The following CLCN6 variants were observed in gnomAD, a reference collection of about 807,000 sequenced individuals.
CLCN6 encodes the protein H(+)/Cl(-) exchange transporter 6.
In CLCN6, 70 loss-of-function variants were observed where a neutral mutation model predicts 109.8. The observed-to-expected ratio is 0.64, with a 90% CI of 0.53 to 0.78. The LOEUF (loss-of-function observed/expected upper bound fraction) is 0.78. CLCN6 is among the 30% of genes least tolerant of loss of function. The pLI, the probability that CLCN6 is intolerant of heterozygous loss-of-function variation, is 0.00. For synonymous variants in CLCN6, 444 were observed against 447.8 expected (o/e 0.99, Z 0.11); for missense variants, 984 against 1,142.3 (o/e 0.86, Z 2.00).
intron 13 of CLCN6, 70 bp downstream of exon 13, chr1:11,829,392 C>G (rs966419123): frequency 3.2e-6 from 5 of 1,560,770 alleles, no homozygotes; most frequent in Non-Finnish European, 4.4e-6. Flanking sequence ...TGACCTTCCT[C>G]TGTTGAGAAC....
rs772244015 is a variant in CLCN6, at chr1:11,833,374, G to A, written c.1249-141G>A. On this transcript the variant is annotated intron_variant, in intron 13 of 22. Coordinates refer to ENST00000346436, the MANE Select transcript of CLCN6 (RefSeq NM_001286.5). ...GAATACACTTGCCCGTGTGGCTGCCGTTGGTAGAGGTCAGTTTTTGGCCTG... is the reference window on the plus strand; with the variant it reads ...GAATACACTTGCCCGTGTGGCTGCCATTGGTAGAGGTCAGTTTTTGGCCTG... 157 of 698,180 alleles carry A rather than the reference G, an allele frequency of 2.2e-4. 1 individual carries two copies. The highest frequency in any genetic ancestry group is 7.6e-4 in the Admixed American group (32 of 42,058). 43.2% of individuals were successfully genotyped at this position (698,180 alleles called of 1,614,324 possible).
Position 11,833,570 on chromosome 1 carries a change from A to C in CLCN6, c.1304A>C (p.Tyr435Ser). ...ACATTTTTTTGTCCCAATGATACCT[A>C]CAATGACATGGCCACACTCTTCTTC... Reference protein sequence around the residue: ...IKTFFCPNDTYNDMATLFFNP... With the variant: ...IKTFFCPNDTSNDMATLFFNP... Residue 435 changes from tyrosine (Y) to serine (S), a missense_variant, in exon 14 of 23, where the codon TAC becomes TCC. By Grantham distance (144) the Tyr-to-Ser change is moderately radical. Transcript: ENST00000346436. The C allele has an allele frequency of 6.2e-7, 1 of 1,614,048 alleles. No individual in the cohort carries two copies. The highest frequency in any genetic ancestry group is 8.5e-7 in the Non-Finnish European group (1 of 1,179,958).
chr1:11,838,473 C>T (rs566805376), intron 21 of CLCN6, 31 bp downstream of exon 21: 18 of 1,610,044 alleles, frequency 1.1e-5, no homozygotes, highest in South Asian at 8.8e-5. Context: ...CTGTCCCATG[C>T]GGAGCTGCCT....
In CLCN6 at chr1:11,834,256, T is replaced by A; in HGVS notation, c.1547T>A (p.Ile516Asn). The change falls in exon 16 of 23, where the codon ATC (isoleucine) becomes AAC (asparagine). Residue 516 changes from isoleucine (I) to asparagine (N), a missense_variant. Ile to Asn is a moderately radical substitution (Grantham distance 149). Transcript: ENST00000346436. The surrounding 1 kb of genome is among the most constrained non-coding windows in gnomAD (Gnocchi z 4.5). ...VLKSYIGLGH[I>N]YSGTFALIGA... ...ACTAGCTACATTGGATTGGGCCACA[T>A]CTATTCGGGGACCTTTGCCCTGATT... The A allele has an allele frequency of 6.2e-7, 1 of 1,613,812 alleles. No individual in the cohort carries two copies. Among genetic ancestry groups the A allele is most frequent in the East Asian group, 2.2e-5 (1 of 44,872 alleles).
At position 11,816,653 on chromosome 1, in the gene CLCN6, G is replaced by C; in HGVS notation, c.252G>C (p.Val84=). 1 of 1,613,156 alleles carries C rather than the reference G, an allele frequency of 6.2e-7. No individual in the cohort carries two copies. The highest frequency in any genetic ancestry group is 8.5e-7 in the Non-Finnish European group (1 of 1,179,618). ...ATGAGGCGGTGAAGTGGATGGTGGT[G>C]TTTGCCATTGGAGTCTGCACTGGCC... ...RRYEAVKWMV[V]FAIGVCTGLV... The change falls in exon 4 of 23, where the codon GTG becomes GTC. Residue 84 remains valine (V), a synonymous_variant. Transcript: ENST00000346436.
At chr1:11,826,048 G>A (rs1012733704) in intron 8 of CLCN6, 108 bp from the exon 9 acceptor site, 4 of 791,094 alleles carry the variant, frequency 5.1e-6, no homozygotes, top group Middle Eastern at 2.4e-4. Context: ...TCAGTCCTAG[G>A]CTGCCCCTGA....
intron 12 of CLCN6, among the ~76,000 whole-genome samples, chr1:11,828,921 T>G (rs909462232): frequency 2.0e-5 from 3 of 152,218 alleles, no homozygotes; most frequent in African/African-American, 7.2e-5. Context: ...CTCAGGAGGC[T>G]TCTCGCCCCA....
At position 11,836,868 on chromosome 1, in the gene CLCN6, ACCTCAG is replaced by A; in HGVS notation, c.1981-128_1981-123del. 18 of 1,003,422 alleles carry A rather than the reference ACCTCAG, an allele frequency of 1.8e-5. No individual in the cohort carries two copies. The South Asian group carries it at 2.1e-4, about 12-fold the overall frequency. 62.2% of individuals were successfully genotyped at this position (1,003,422 alleles called of 1,614,324 possible). On this transcript the variant is annotated intron_variant, in intron 18 of 22. Coordinates refer to ENST00000346436, the MANE Select transcript of CLCN6 (RefSeq NM_001286.5). ...CCACCAGCCTGAGCCACTCTTTTGA[ACCTCAG>A]CCCCATTAAGTTCCTGCGTCCGGAT...
At position 11,806,304 on chromosome 1, in the gene CLCN6, GTGC is replaced by G. The variant is rs1419408203; in HGVS notation, c.52_54del (p.Cys18del). Reference sequence around the variant, plus strand: ...GGTCTCTGTGCTGCTGCTGCAGGTGGTGCTGCTGCTGCGGTGAGCGTGAGACCC... The same window carrying G: ...GGTCTCTGTGCTGCTGCTGCAGGTGGTGCTGCTGCGGTGAGCGTGAGACCC... On this transcript the variant is annotated inframe_deletion, in exon 1 of 23. Transcript: ENST00000346436. The G allele has an allele frequency of 3.3e-6, 5 of 1,512,716 alleles. No homozygotes were observed. The highest frequency in any genetic ancestry group is 1.7e-4 in the Middle Eastern group (1 of 5,760). The allele number at this position is 1,512,716 out of a possible 1,614,324, so 93.7% of individuals were successfully genotyped here. A position where few individuals can be genotyped will look rare whatever the true frequency, so the allele number is the denominator to read the frequency against.
At chr1:11,815,776 C>T (rs767615673) in intron 2 of CLCN6, 70 bp from the exon 3 acceptor site, 4 of 1,199,752 alleles carry the variant, frequency 3.3e-6, no homozygotes, top group Non-Finnish European at 4.9e-6. Context: ...TAGCAGGAAC[C>T]CAGAGGTTTG....
rs1460892489 is a variant in CLCN6 at position 11,837,173 on chromosome 1, G to A, written c.2138+17G>A. 1 of 1,610,560 alleles carries A rather than the reference G, an allele frequency of 6.2e-7. No homozygotes were observed. Among genetic ancestry groups the A allele is most frequent in the Admixed American group, 1.7e-5 (1 of 59,772 alleles). On this transcript the variant is annotated intron_variant, in intron 19 of 22. Transcript: ENST00000346436. ...GGAAAGGAGGTGAGAGCCTGGCGGGGCCCCCACTGCCCGCAGGGCTACACA... is the reference window on the plus strand; with the variant it reads ...GGAAAGGAGGTGAGAGCCTGGCGGGACCCCCACTGCCCGCAGGGCTACACA...
At chr1:11,823,630 C>A in intron 6 of CLCN6, 77 bp from the exon 7 acceptor site, 1 of 1,595,846 alleles carries the variant, frequency 6.3e-7, no homozygotes, top group Non-Finnish European at 8.6e-7. Flanking sequence ...CTCCCTCTTC[C>A]GCCGCCCAGA....
intron 2 of CLCN6, among the ~76,000 whole-genome samples, chr1:11,808,986 C>G (rs1432092013): frequency 6.6e-6 from 1 of 151,908 alleles, no homozygotes; most frequent in African/African-American, 2.4e-5. Flanking sequence ...CCCAGCCTCC[C>G]GAGTAGATGG....
In CLCN6 at chr1:11,837,477, T is replaced by C; in HGVS notation, c.2273T>C (p.Val758Ala). 1 of 1,613,596 alleles carries C rather than the reference T, an allele frequency of 6.2e-7. No individual in the cohort carries two copies. The highest frequency in any genetic ancestry group is 8.5e-7 in the Non-Finnish European group (1 of 1,179,738). ...SQLVTLLVRGVCYSESQSSAS... is the reference protein window; with the variant it reads ...SQLVTLLVRGACYSESQSSAS... ...CTTGTCACCCTGCTTGTCCGAGGAGTTTGTTACTCTGAAAGCCAGTCGGTA... is the reference window on the plus strand; with the variant it reads ...CTTGTCACCCTGCTTGTCCGAGGAGCTTGTTACTCTGAAAGCCAGTCGGTA... Residue 758 changes from valine to alanine, a missense_variant, in exon 20 of 23, where the codon GTT (valine) becomes GCT (alanine). Transcript: ENST00000346436.
intron 22 of CLCN6, among the ~76,000 whole-genome samples, chr1:11,839,716 A>G (rs1570545717): frequency 6.6e-6 from 1 of 152,362 alleles, no homozygotes; most frequent in East Asian, 1.9e-4. Flanking sequence ...TGGAGTTCCC[A>G]ACAACAGTGA....
chr1:11,839,194 T>G (rs1015440510), intron 22 of CLCN6: 161 of 560,690 alleles, frequency 2.9e-4, no homozygotes, highest in Non-Finnish European at 4.6e-4. Context: ...AACCAAACCC[T>G]CGTCCCTACC....
chr1:11,834,152 A>T lies in CLCN6; in HGVS notation c.1527-84A>T. 1.3e-6 allele frequency: 2 copies of T among 1,588,444 alleles called. No individual in the cohort carries two copies. The highest frequency in any genetic ancestry group is 2.2e-5 in the South Asian group (2 of 89,168). ...TGCCCATGCATGCACATATGTGCAT[A>T]GGCACAAGAGTATGAGCTGTAGGTC... On this transcript the variant is annotated intron_variant, in intron 15 of 22. Transcript: ENST00000346436. The surrounding 1 kb of genome is among the most constrained non-coding windows in gnomAD (Gnocchi z 4.5).
intron 2 of CLCN6, among the ~76,000 whole-genome samples, chr1:11,815,391 A>G (rs1467779755): frequency 2.0e-5 from 3 of 152,156 alleles, no homozygotes; most frequent in Middle Eastern, 3.4e-3. Flanking sequence ...AAGATTCTGC[A>G]TTTTGTTTTT....
At chr1:11,820,027 A>G (rs1410961258) in intron 5 of CLCN6, among the ~76,000 whole-genome samples, 1 of 152,252 alleles carries the variant, frequency 6.6e-6, no homozygotes, top group Non-Finnish European at 1.5e-5. Flanking sequence ...GAAATTGGTC[A>G]TATTGGTGCA....
Sources: gnomAD v4.1 joint callset for allele counts (sites outside exome capture counted in the v4.1 genomes callset) on GRCh38, gnomAD v4.1.1 for gene constraint, Gnocchi (gnomAD v3.1) non-coding constraint, MANE v1.5 for transcripts, NCBI Gene and HGNC (gene_info 2026-07-23, HGNC 2026-07-21) for gene names.